Variants in MAP7 observed in about 807,000 individuals in gnomAD.
The protein encoded by MAP7 is ensconsin.
A neutral mutation model predicts 94.8 loss-of-function variants in MAP7; 52 were observed. That is an observed-to-expected ratio of 0.55 (90% CI 0.44 to 0.69). MAP7 has a LOEUF of 0.69. Among genes scored for constraint, MAP7 ranks in the 30% least tolerant of loss-of-function variants. The pLI is 0.00. For missense variants in MAP7, 940 were observed against 964.6 expected (o/e 0.97, Z 0.34); for synonymous variants, 350 against 357.0 (o/e 0.98, Z 0.22).
intron 5 of MAP7, 64 bp from the exon 6 acceptor site, chr6:136,383,845 C>A (rs1318170107): frequency 1.0e-6 from 1 of 953,414 alleles, no homozygotes; most frequent in Admixed American, 1.9e-5. Flanking sequence ...TCCTAGTTCA[C>A]TGATGGAAGG....
intron 2 of MAP7, among the ~76,000 whole-genome samples, chr6:136,416,451 G>C (rs867503045): frequency 2.0e-5 from 3 of 151,836 alleles, no homozygotes; most frequent in Non-Finnish European, 4.4e-5. Flanking sequence ...CTTCTTTCTC[G>C]TTTCCACCCC....
intron 1 of MAP7, among the ~76,000 whole-genome samples, chr6:136,534,468 C>T (rs1371770256): frequency 1.3e-5 from 2 of 152,232 alleles, no homozygotes; most frequent in African/African-American, 4.8e-5. Context: ...AATGTTTGGG[C>T]TGAGCCCAGC....
At chr6:136,537,007 G>C (rs1367199099) in intron 1 of MAP7, among the ~76,000 whole-genome samples, 1 of 152,096 alleles carries the variant, frequency 6.6e-6, no homozygotes, top group African/African-American at 2.4e-5. Context: ...TCTTCCAAAG[G>C]TTTCTTGAAG....
intron 2 of MAP7, among the ~76,000 whole-genome samples, chr6:136,412,306 T>C (rs1204618952): frequency 6.6e-6 from 1 of 152,146 alleles, no homozygotes; most frequent in East Asian, 1.9e-4. Context: ...ACATCTACTG[T>C]GTGCTAGGCA....
chr6:136,347,935 T>C (rs1788131081), intron 16 of MAP7, among the ~76,000 whole-genome samples: 1 of 152,074 alleles, frequency 6.6e-6, no homozygotes, highest in Non-Finnish European at 1.5e-5. Context: ...TTTTCTGCTA[T>C]TTTACTAAGA....
intron 1 of MAP7, among the ~76,000 whole-genome samples, chr6:136,480,157 T>C (rs1308381635): frequency 6.6e-6 from 1 of 152,006 alleles, no homozygotes; most frequent in South Asian, 2.1e-4. Context: ...CACAGAACAA[T>C]GGAACAGAAT....
intron 1 of MAP7, among the ~76,000 whole-genome samples, chr6:136,429,798 T>C (rs1794354364): frequency 6.6e-6 from 1 of 152,142 alleles, no homozygotes; most frequent in African/African-American, 2.4e-5. Flanking sequence ...ACAAAAACCT[T>C]CCTTCAGCCA....
chr6:136,474,134 T>C (rs1360591965), intron 1 of MAP7, among the ~76,000 whole-genome samples: 2 of 151,654 alleles, frequency 1.3e-5, no homozygotes, highest in Non-Finnish European at 2.9e-5. Context: ...AGAGTGAAAA[T>C]GAATATTAAG....
At chr6:136,429,855 G>A (rs1794375626) in intron 1 of MAP7, among the ~76,000 whole-genome samples, 1 of 152,162 alleles carries the variant, frequency 6.6e-6, no homozygotes, top group Non-Finnish European at 1.5e-5. Context: ...TTTTCCCCTT[G>A]CGTTAATATA....
intron 3 of MAP7, among the ~76,000 whole-genome samples, chr6:136,393,020 GAGTT>G (rs1205516320): frequency 1.3e-5 from 2 of 152,132 alleles, no homozygotes; most frequent in East Asian, 1.9e-4. Flanking sequence ...TGTAAAATAA[GAGTT>G]AATTCACAAA....
chr6:136,383,933 AG>A, intron 5 of MAP7, 152 bp from the exon 6 acceptor site: 1 of 586,282 alleles, frequency 1.7e-6, no homozygotes, highest in Non-Finnish European at 3.0e-6. Context: ...GACATTTTAA[AG>A]GTAACTTAAA....
At position 136,550,243 on chromosome 6, in the gene MAP7, A is replaced by C; in HGVS notation, c.67+99T>G. On this transcript the variant is annotated intron_variant, in intron 1 of 17. Coordinates refer to ENST00000354570, the MANE Select transcript of MAP7 (RefSeq NM_003980.6). This position sits in a 1 kb window ranked among gnomAD's most constrained non-coding sequence, Gnocchi z 5.1. ...CCGGGCCGCGGCCGCGCGGGCGGGGAGGGGGCTGCCGGCGCCGGGTGATTT... is the reference window on the plus strand; with the variant it reads ...CCGGGCCGCGGCCGCGCGGGCGGGGCGGGGGCTGCCGGCGCCGGGTGATTT... The C allele has an allele frequency of 9.4e-7, 1 of 1,067,228 alleles. No individual in the cohort carries two copies. The highest frequency in any genetic ancestry group is 1.2e-6 in the Non-Finnish European group (1 of 826,364). 66.1% of individuals were successfully genotyped at this position (1,067,228 alleles called of 1,614,324 possible).
chr6:136,405,341 G>A (rs1442925090), intron 3 of MAP7, among the ~76,000 whole-genome samples: 1 of 152,210 alleles, frequency 6.6e-6, no homozygotes, highest in Non-Finnish European at 1.5e-5. Context: ...AAGAAGGTCT[G>A]GTTTGAGGGA....
chr6:136,361,087 CG>C lies in MAP7; in HGVS notation c.1618del (p.Arg540GlyfsTer68). 1 of 1,603,924 alleles carries C rather than the reference CG, an allele frequency of 6.2e-7. No individual in the cohort carries two copies. Reference sequence around the variant, plus strand: ...CCGCTGCAGCTGCTCCTCCTTCTCCCGGGCCTGCTCGGCTTCCAGCCTGCGC... The same window carrying C: ...CCGCTGCAGCTGCTCCTCCTTCTCCCGGCCTGCTCGGCTTCCAGCCTGCGC... ...ESRRLEAEQAREKEEQLQRQA... is the reference protein window; with the variant it reads ...ESRRLEAEQAXEKEEQLQRQA... On this transcript the variant is annotated frameshift_variant, in exon 12 of 18. Coordinates refer to ENST00000354570, the MANE Select transcript of MAP7 (RefSeq NM_003980.6). LOFTEE classifies it high-confidence loss of function.
At chr6:136,499,812 G>A (rs1352708474) in intron 1 of MAP7, among the ~76,000 whole-genome samples, 3 of 151,932 alleles carry the variant, frequency 2.0e-5, no homozygotes, top group East Asian at 1.9e-4. Flanking sequence ...CAGCCTGGCC[G>A]ACATAGGGAG....
intron 1 of MAP7, among the ~76,000 whole-genome samples, chr6:136,480,205 T>C (rs1017557509): frequency 3.7e-4 from 57 of 152,184 alleles, no homozygotes; most frequent in African/African-American, 1.3e-3. Flanking sequence ...CTACAGTAAA[T>C]GCATTTTCAA....
intron 3 of MAP7, among the ~76,000 whole-genome samples, chr6:136,401,971 C>T (rs1582804272): frequency 6.6e-6 from 1 of 152,188 alleles, no homozygotes; most frequent in Admixed American, 6.5e-5. Context: ...GAGATATCTT[C>T]CTCAAGAAAC....
chr6:136,488,725 G>A (rs1412694497), intron 1 of MAP7, among the ~76,000 whole-genome samples: 2 of 152,064 alleles, frequency 1.3e-5, no homozygotes, highest in Admixed American at 6.5e-5. Context: ...TTACAGGCAT[G>A]AGCCACCATG....
At chr6:136,444,022 C>A (rs961019460) in intron 1 of MAP7, among the ~76,000 whole-genome samples, 2 of 152,162 alleles carry the variant, frequency 1.3e-5, no homozygotes, top group African/African-American at 4.8e-5. Flanking sequence ...GTTTGACTTA[C>A]AATATTATTC....
Sources: gnomAD v4.1 joint callset for allele counts (sites outside exome capture counted in the v4.1 genomes callset) on GRCh38, gnomAD v4.1.1 for gene constraint, Gnocchi (gnomAD v3.1) non-coding constraint, MANE v1.5 for transcripts, NCBI Gene and HGNC (gene_info 2026-07-23, HGNC 2026-07-21) for gene names.